PAIP1: variants seen among roughly 807,000 people sequenced by gnomAD.
The protein encoded by PAIP1 is poly(A) binding protein interacting protein 1, also known as polyadenylate-binding protein-interacting protein 1.
Under a neutral mutation model 61.3 loss-of-function variants are expected in PAIP1, and 16 were observed. The ratio of observed to expected loss-of-function variants is 0.26; its 90% CI spans 0.18 to 0.40. PAIP1 has a LOEUF of 0.40. Among genes scored for constraint, PAIP1 ranks in the 10% least tolerant of loss-of-function variants. PAIP1 has a pLI of 1.00. For synonymous variants in PAIP1, 187 were observed against 226.2 expected, an observed-to-expected ratio of 0.83 and a Z score of 1.56; for missense variants, 416 against 600.9, an observed-to-expected ratio of 0.69 and a Z score of 3.22.
chr5:43,543,258 G>A (rs1481327788), intron 3 of PAIP1, 142 bp from the exon 4 acceptor site: 3 of 251,050 alleles, frequency 1.2e-5, no homozygotes, highest in Middle Eastern at 4.9e-4. Flanking sequence ...TAGGCTTAAG[G>A]AAATTAAATT....
chr5:43,535,336 AT>A (rs1747099618), intron 7 of PAIP1, among the ~76,000 whole-genome samples, 197 bp downstream of exon 7: 2 of 152,224 alleles, frequency 1.3e-5, no homozygotes, highest in Admixed American at 1.3e-4. Flanking sequence ...TTGAGCAAAA[AT>A]ATCTGACACG....
chr5:43,545,915 A>G (rs1747618114), intron 3 of PAIP1, among the ~76,000 whole-genome samples: 1 of 151,932 alleles, frequency 6.6e-6, no homozygotes, highest in Admixed American at 6.6e-5. Flanking sequence ...GATCACAGGC[A>G]TGCACCACCA....
At chr5:43,556,371 T>TC (rs1427021667) in intron 1 of PAIP1, 6 of 1,229,430 alleles carry the variant, frequency 4.9e-6, no homozygotes, top group East Asian at 3.2e-5. Context: ...ACCCGGCCCC[T>TC]CCCCCCAGCC....
chr5:43,550,590 G>C (rs1324763616), intron 2 of PAIP1, among the ~76,000 whole-genome samples: 1 of 151,992 alleles, frequency 6.6e-6, no homozygotes, highest in African/African-American at 2.4e-5. Context: ...GTTTAACCTA[G>C]AACATTTTGA....
At chr5:43,550,837 CAAAAAAAAAAAAA>C (rs373730839) in intron 2 of PAIP1, among the ~76,000 whole-genome samples, 1 of 49,558 alleles carries the variant, frequency 2.0e-5, no homozygotes, top group Non-Finnish European at 3.3e-5. Context: ...AAATATACTA[CAAAAAAAAAAAAA>C]AAAAAAAAAG....
intron 3 of PAIP1, among the ~76,000 whole-genome samples, chr5:43,546,726 C>CTGTATT (rs1320836952): frequency 1.3e-5 from 2 of 152,148 alleles, no homozygotes; most frequent in East Asian, 3.9e-4. Context: ...GTGTTGTCTA[C>CTGTATT]TGTATTTTTC....
intron 3 of PAIP1, among the ~76,000 whole-genome samples, chr5:43,547,361 C>A (rs1483967544): frequency 6.6e-6 from 1 of 152,074 alleles, no homozygotes; most frequent in Non-Finnish European, 1.5e-5. Flanking sequence ...TTTTCTGGTA[C>A]TGCTAATTTC....
At chr5:43,543,483 T>C (rs2112404982) in intron 3 of PAIP1, among the ~76,000 whole-genome samples, 1 of 152,244 alleles carries the variant, frequency 6.6e-6, no homozygotes, top group East Asian at 1.9e-4. Flanking sequence ...GTGGGGCTTC[T>C]TGGGGCAGGA....
chr5:43,535,408 A>C, intron 7 of PAIP1, 126 bp downstream of exon 7: 1 of 650,882 alleles, frequency 1.5e-6, no homozygotes, highest in Non-Finnish European at 2.7e-6. Context: ...CTTTAAAGAA[A>C]AGCATTTTTG....
intron 2 of PAIP1, among the ~76,000 whole-genome samples, chr5:43,549,516 G>A (rs185058380): frequency 2.4e-4 from 37 of 151,642 alleles, no homozygotes; most frequent in Non-Finnish European, 4.4e-4. Context: ...CTCTTGCTGC[G>A]GCCACGTAAG....
At chr5:43,538,893 G>C in intron 5 of PAIP1, 31 bp downstream of exon 5, 1 of 1,092,006 alleles carries the variant, frequency 9.2e-7, no homozygotes. Flanking sequence ...CTCAGGCCTT[G>C]TTAGTACTTA....
intron 10 of PAIP1, among the ~76,000 whole-genome samples, chr5:43,529,277 T>C (rs187108677): frequency 3.9e-5 from 6 of 152,226 alleles, no homozygotes; most frequent in Admixed American, 3.9e-4. Context: ...ATAATTATGC[T>C]TAAGTATACT....
At position 43,535,653 on chromosome 5, in the gene PAIP1, G is replaced by A. The variant is rs571298095; in HGVS notation, c.973-13C>T. The A allele has an allele frequency of 6.6e-6, 9 of 1,361,676 alleles. No individual in the cohort carries two copies. In the South Asian group the frequency reaches 7.0e-5, roughly 11 times the overall value. 84.3% of individuals were successfully genotyped at this position (1,361,676 alleles called of 1,614,324 possible). A position where few individuals can be genotyped will look rare whatever the true frequency, so the allele number is the denominator to read the frequency against. On this transcript the variant is annotated splice_polypyrimidine_tract_variant and intron_variant, in intron 6 of 10. Transcript: ENST00000306846. ...CTGATCCTGTCAACTAAAAAAGCAG[G>A]TGTCAGTAAAATAAGAAATTCAATA...
At chr5:43,544,006 C>T (rs1442915467) in intron 3 of PAIP1, among the ~76,000 whole-genome samples, 11 of 151,752 alleles carry the variant, frequency 7.2e-5, no homozygotes, top group Admixed American at 4.6e-4. Context: ...TAGCTGGGCA[C>T]GGTAGCATGC....
intron 9 of PAIP1, among the ~76,000 whole-genome samples, chr5:43,531,656 CAAAAAAA>C (rs369954867): frequency 1.0e-4 from 6 of 59,868 alleles, no homozygotes; most frequent in Non-Finnish European, 1.4e-4. Context: ...GACTCTGTCT[CAAAAAAA>C]AAAAAAAAAA....
At chr5:43,543,700 GAA>G (rs70997413) in intron 3 of PAIP1, among the ~76,000 whole-genome samples, 1 of 135,622 alleles carries the variant, frequency 7.4e-6, no homozygotes, top group Non-Finnish European at 1.6e-5. Context: ...CTTAAAAACA[GAA>G]AAAAAAAAAA....
chr5:43,530,802 T>C (rs1036579030), intron 9 of PAIP1, among the ~76,000 whole-genome samples: 2 of 151,932 alleles, frequency 1.3e-5, no homozygotes, highest in Non-Finnish European at 2.9e-5. Context: ...CTGAAAGCCA[T>C]ATATAAACTG....
intron 4 of PAIP1, among the ~76,000 whole-genome samples, chr5:43,542,671 A>G (rs1747461457): frequency 6.6e-6 from 1 of 152,228 alleles, no homozygotes; most frequent in Non-Finnish European, 1.5e-5. Context: ...GTGGCAATTC[A>G]AATCAATAAG....
At chr5:43,545,064 C>T (rs1340132567) in intron 3 of PAIP1, among the ~76,000 whole-genome samples, 1 of 152,176 alleles carries the variant, frequency 6.6e-6, no homozygotes, top group East Asian at 1.9e-4. Context: ...CCATGTATTA[C>T]ACTGCTTTTA....
Sources: gnomAD v4.1 joint callset for allele counts (sites outside exome capture counted in the v4.1 genomes callset) on GRCh38, gnomAD v4.1.1 for gene constraint, MANE v1.5 for transcripts, NCBI Gene and HGNC (gene_info 2026-07-23, HGNC 2026-07-21) for gene names.